Variants in COMMD10 observed in about 807,000 individuals in gnomAD.
COMMD10 encodes COMM domain-containing protein 10.
In COMMD10, 33 loss-of-function variants were observed where a neutral mutation model predicts 28.9. That is an observed-to-expected ratio of 1.14 (90% CI 0.87 to 1.53). COMMD10 has a LOEUF of 1.53. Among genes scored for constraint, COMMD10 ranks in the 40% most tolerant of loss-of-function variants. COMMD10 has a pLI of 0.00. For missense variants in COMMD10, 310 were observed against 233.4 expected, an observed-to-expected ratio of 1.33 and a Z score of -2.14; for synonymous variants, 110 against 81.7, an observed-to-expected ratio of 1.35 and a Z score of -1.87.
intron 5 of COMMD10, among the ~76,000 whole-genome samples, chr5:116,268,850 G>A (rs928586168): frequency 6.6e-6 from 1 of 150,406 alleles, no homozygotes. Flanking sequence ...TGCAAGGACA[G>A]AAAACCAAAC....
intron 5 of COMMD10, among the ~76,000 whole-genome samples, chr5:116,177,275 A>G (rs1473169092): frequency 6.8e-6 from 1 of 147,568 alleles, no homozygotes; most frequent in Non-Finnish European, 1.5e-5. Flanking sequence ...GGTTTTGAGA[A>G]AGGAAAGAAA....
At chr5:116,139,681 C>T (rs1447754604) in intron 5 of COMMD10, among the ~76,000 whole-genome samples, 1 of 151,252 alleles carries the variant, frequency 6.6e-6, no homozygotes, top group Non-Finnish European at 1.5e-5. Flanking sequence ...ATTACACATA[C>T]AAATGAGATA....
intron 2 of COMMD10, among the ~76,000 whole-genome samples, 188 bp downstream of exon 2, chr5:116,087,775 T>C (rs1750157215): frequency 6.6e-6 from 1 of 152,256 alleles, no homozygotes; most frequent in African/African-American, 2.4e-5. Context: ...TAAAGTTAAA[T>C]GTTTTAAATT....
At chr5:116,253,326 A>T (rs971947346) in intron 5 of COMMD10, among the ~76,000 whole-genome samples, 6 of 144,040 alleles carry the variant, frequency 4.2e-5, no homozygotes, top group Non-Finnish European at 7.6e-5. Flanking sequence ...AGAACTTCCA[A>T]CACTATGTTG....
intron 5 of COMMD10, chr5:116,188,625 C>G (rs1748228837): frequency 7.7e-6 from 1 of 130,368 alleles, no homozygotes; most frequent in Non-Finnish European, 1.5e-5. Flanking sequence ...TTCCTTCTTT[C>G]TTTCTCTCTC....
At chr5:116,085,211 GT>G in intron 1 of COMMD10, 118 bp downstream of exon 1, 1 of 715,574 alleles carries the variant, frequency 1.4e-6, no homozygotes. Flanking sequence ...GTTGAGTGGG[GT>G]GGGGTGGGGT....
chr5:116,251,222 C>T (rs1037239623), intron 5 of COMMD10, among the ~76,000 whole-genome samples: 1 of 151,746 alleles, frequency 6.6e-6, no homozygotes, highest in South Asian at 2.1e-4. Flanking sequence ...AGTATTTGTT[C>T]CCCATTACAC....
chr5:116,104,354 G>A (rs1580447295), intron 4 of COMMD10, among the ~76,000 whole-genome samples: 1 of 152,126 alleles, frequency 6.6e-6, no homozygotes, highest in African/African-American at 2.4e-5. Context: ...CCTTGAAGAG[G>A]ACCTTCAAAT....
chr5:116,223,877 A>G (rs1749325644), intron 5 of COMMD10, among the ~76,000 whole-genome samples: 1 of 152,184 alleles, frequency 6.6e-6, no homozygotes, highest in African/African-American at 2.4e-5. Flanking sequence ...AATGAAGGTT[A>G]TTCCATTTGG....
At chr5:116,165,402 T>C (rs1165600558) in intron 5 of COMMD10, among the ~76,000 whole-genome samples, 1 of 152,224 alleles carries the variant, frequency 6.6e-6, no homozygotes, top group Non-Finnish European at 1.5e-5. Flanking sequence ...ATGTACTTGG[T>C]GTATTAGTCT....
chr5:116,151,045 T>C (rs1463987322), intron 5 of COMMD10, among the ~76,000 whole-genome samples: 2 of 144,562 alleles, frequency 1.4e-5, no homozygotes, highest in Non-Finnish European at 3.0e-5. Context: ...CAATACCTAA[T>C]TTATTGAGAG....
chr5:116,197,157 A>G (rs987622595), intron 5 of COMMD10, among the ~76,000 whole-genome samples: 3 of 152,122 alleles, frequency 2.0e-5, no homozygotes, highest in Non-Finnish European at 2.9e-5. Flanking sequence ...TGCATAGCCT[A>G]CATTACAATC....
chr5:116,184,304 T>C (rs1200097545), intron 5 of COMMD10, among the ~76,000 whole-genome samples: 2 of 91,390 alleles, frequency 2.2e-5, no homozygotes, highest in African/African-American at 8.3e-5. Flanking sequence ...TTCTTAACTA[T>C]ATATCTGACC....
intron 5 of COMMD10, among the ~76,000 whole-genome samples, chr5:116,291,010 T>G (rs139105941): frequency 1.3e-5 from 2 of 152,252 alleles, no homozygotes; most frequent in Non-Finnish European, 2.9e-5. Flanking sequence ...AATTGTGAAC[T>G]TTTGCTGAGT....
chr5:116,240,644 C>T (rs745852455), intron 5 of COMMD10, among the ~76,000 whole-genome samples: 6 of 152,064 alleles, frequency 3.9e-5, no homozygotes, highest in African/African-American at 1.2e-4. Context: ...TCTCCTGCTT[C>T]GGTATCCTAG....
At chr5:116,178,290 T>A (rs1747811899) in intron 5 of COMMD10, among the ~76,000 whole-genome samples, 1 of 152,118 alleles carries the variant, frequency 6.6e-6, no homozygotes, top group Non-Finnish European at 1.5e-5. Flanking sequence ...CTCTACTATG[T>A]AACAAACATT....
At chr5:116,246,784 T>C (rs2112668971) in intron 5 of COMMD10, among the ~76,000 whole-genome samples, 1 of 152,250 alleles carries the variant, frequency 6.6e-6, no homozygotes, top group Admixed American at 6.5e-5. Context: ...TGGCTAGCCG[T>C]ATGCAGAAGG....
intron 5 of COMMD10, among the ~76,000 whole-genome samples, chr5:116,135,884 A>G (rs1393851479): frequency 6.6e-6 from 1 of 152,194 alleles, no homozygotes; most frequent in Non-Finnish European, 1.5e-5. Flanking sequence ...AACCTCAGGC[A>G]AATTACTTAA....
At chr5:116,288,652 C>T (rs1358489998) in intron 5 of COMMD10, among the ~76,000 whole-genome samples, 2 of 151,690 alleles carry the variant, frequency 1.3e-5, no homozygotes, top group Non-Finnish European at 2.9e-5. Context: ...TTCTCCTCTG[C>T]TCAGTGATTT....
Sources: allele counts gnomAD v4.1 joint callset (sites outside exome capture counted in the v4.1 genomes callset), GRCh38; gene constraint gnomAD v4.1.1; transcripts MANE v1.5; gene names NCBI Gene and HGNC (gene_info 2026-07-23, HGNC 2026-07-21).